Variants in ATF7IP2 observed in about 807,000 individuals in gnomAD.
ATF7IP2 encodes activating transcription factor 7-interacting protein 2.
Under a neutral mutation model 64.2 loss-of-function variants are expected in ATF7IP2, and 42 were observed. That is an observed-to-expected ratio of 0.65 (90% confidence interval 0.51 to 0.85). The LOEUF (loss-of-function observed/expected upper bound fraction) is 0.85. Among genes scored for constraint, ATF7IP2 ranks in the 40% least tolerant of loss-of-function variants. The pLI, the probability that ATF7IP2 is intolerant of heterozygous loss-of-function variation, is 0.00. For synonymous variants in ATF7IP2, 308 were observed against 272.8 expected, an observed-to-expected ratio of 1.13 and a Z score of -1.27; for missense variants, 933 against 784.2, an observed-to-expected ratio of 1.19 and a Z score of -2.27.
chr16:10,444,550 T>G (rs574705634), intron 8 of ATF7IP2, among the ~76,000 whole-genome samples: 2 of 152,336 alleles, frequency 1.3e-5, no homozygotes, highest in African/African-American at 4.8e-5. Flanking sequence ...GTATGTAATG[T>G]CTTTTTGAGG....
chr16:10,397,116 G>C lies in ATF7IP2; in HGVS notation c.-242+10994G>C, dbSNP rs574762679. 2.4e-4 allele frequency among the ~76,000 whole-genome samples: 36 copies of C among 152,248 alleles called. 1 individual carries two copies. In the South Asian group the frequency reaches 4.6e-3, roughly 19 times the overall value. ...TCCAAATTGTATGTTTTGCCATTTG[G>C]TTGAAAATCAATTTAATATAAATCT... On this transcript the variant is annotated intron_variant, in intron 1 of 13. Transcript: ENST00000562102.
intron 1 of ATF7IP2, chr16:10,387,558 A>G (rs918957436): frequency 1.3e-5 from 2 of 152,158 alleles, no homozygotes; most frequent in Non-Finnish European, 2.9e-5. Flanking sequence ...CTTCAATTCC[A>G]TTGTGTTTCC....
chr16:10,428,223 T>A (rs1319965500), intron 3 of ATF7IP2, among the ~76,000 whole-genome samples: 1 of 152,240 alleles, frequency 6.6e-6, no homozygotes, highest in East Asian at 1.9e-4. Flanking sequence ...TCTACTTATT[T>A]GTTGCAGGTG....
chr16:10,422,475 T>C (rs979241139), intron 3 of ATF7IP2, among the ~76,000 whole-genome samples: 6 of 152,144 alleles, frequency 3.9e-5, no homozygotes, highest in Non-Finnish European at 8.8e-5. Flanking sequence ...CATAAATTTA[T>C]AGGTATAGAA....
intron 9 of ATF7IP2, among the ~76,000 whole-genome samples, chr16:10,458,181 G>T (rs879799647): frequency 8.5e-5 from 13 of 152,168 alleles, no homozygotes; most frequent in Non-Finnish European, 1.8e-4. Context: ...TTGTTTTGGG[G>T]GATTTCACAT....
At chr16:10,465,394 A>T (rs866475954) in intron 9 of ATF7IP2, among the ~76,000 whole-genome samples, 2 of 151,964 alleles carry the variant, frequency 1.3e-5, no homozygotes, top group Non-Finnish European at 2.9e-5. Context: ...TGTTAGTCAC[A>T]CTCAGGCTTC....
At chr16:10,420,936 A>G (rs1193910393) in intron 3 of ATF7IP2, among the ~76,000 whole-genome samples, 1 of 152,226 alleles carries the variant, frequency 6.6e-6, no homozygotes, top group Non-Finnish European at 1.5e-5. Flanking sequence ...CAGCACCTTC[A>G]GTTGGTTAAA....
chr16:10,457,189 G>A (rs2049198660), intron 8 of ATF7IP2, 183 bp from the exon 9 acceptor site: 1 of 528,212 alleles, frequency 1.9e-6, no homozygotes. Flanking sequence ...TATTTCTTCG[G>A]AGTTTTTAAA....
chr16:10,407,220 G>A lies in ATF7IP2; in HGVS notation c.-241-7354G>A, dbSNP rs940634402. Among the ~76,000 whole-genome samples, 3 of 152,260 alleles carry A rather than the reference G, an allele frequency of 2.0e-5. No individual in the cohort carries two copies. The East Asian group carries it at 5.8e-4, about 29-fold the overall frequency. On this transcript the variant is annotated intron_variant, in intron 1 of 13. Coordinates refer to ENST00000562102, the MANE Select transcript of ATF7IP2 (RefSeq NM_001393719.1). ...TCAAGAAACTGGGTATAGAAGGAATGTATCTCAACGTAATAAAAGCCGTAT... is the reference window on the plus strand; with the variant it reads ...TCAAGAAACTGGGTATAGAAGGAATATATCTCAACGTAATAAAAGCCGTAT...
chr16:10,405,208 A>G (rs1427828741), intron 1 of ATF7IP2, among the ~76,000 whole-genome samples: 1 of 151,854 alleles, frequency 6.6e-6, no homozygotes, highest in Non-Finnish European at 1.5e-5. Context: ...ACTAAAAAAA[A>G]AAAATACAAA....
intron 3 of ATF7IP2, among the ~76,000 whole-genome samples, chr16:10,422,254 T>C (rs1353135864): frequency 6.6e-6 from 1 of 152,232 alleles, no homozygotes; most frequent in Non-Finnish European, 1.5e-5. Flanking sequence ...TTCTGGAGGC[T>C]TAACAATGGC....
In ATF7IP2 at chr16:10,431,066, C is replaced by T; in HGVS notation, c.446C>T (p.Thr149Ile). Residue 149 changes from threonine to isoleucine, a missense_variant, in exon 5 of 14, where the codon ACA becomes ATA. By Grantham distance (89) the Thr-to-Ile change is moderately conservative. Coordinates refer to ENST00000562102, the MANE Select transcript of ATF7IP2 (RefSeq NM_001393719.1). ...NTSENDSEHQ[T>I]NVTRSLFEHE... The stretch of plus-strand genomic sequence containing the variant: ...TCTGAAAACGATTCTGAGCATCAGA[C>T]AAATGTAACAAGATCCCTTTTTGAG... 2 of 1,614,158 alleles carry T rather than the reference C, an allele frequency of 1.2e-6. No individual in the cohort carries two copies. The highest frequency in any genetic ancestry group is 8.5e-7 in the Non-Finnish European group (1 of 1,180,042).
At chr16:10,479,231 G>C (rs1430567647) in intron 12 of ATF7IP2, among the ~76,000 whole-genome samples, 1 of 149,992 alleles carries the variant, frequency 6.7e-6, no homozygotes, top group African/African-American at 2.5e-5. Context: ...ATTCACAATA[G>C]CAAAGACTTG....
Position 10,463,021 on chromosome 16 carries a change from T to C in ATF7IP2, c.1352+5492T>C, listed in dbSNP as rs2049425772. On this transcript the variant is annotated intron_variant, in intron 9 of 13. Transcript: ENST00000562102. ...GGTTATTTTTTACAAATTCATGTTC[T>C]TTGGTGAAATTCTTTACCTTGCCAT... Among the ~76,000 whole-genome samples, 3 of 152,252 alleles carry C rather than the reference T, an allele frequency of 2.0e-5. No individual in the cohort carries two copies. The South Asian group carries it at 6.2e-4, about 31-fold the overall frequency.
At position 10,434,434 on chromosome 16, in the gene ATF7IP2, G is replaced by T. The variant is rs191480738; in HGVS notation, c.960+785G>T. On this transcript the variant is annotated intron_variant, in intron 6 of 13. Transcript: ENST00000562102. ...GAAATTTCCCCGTCTAAACTACCCT[G>T]CAAACTGTTTCAGAAACAGAAACAC... is the stretch of plus-strand genomic sequence containing the variant. 2.2e-4 allele frequency among the ~76,000 whole-genome samples: 33 copies of T among 152,146 alleles called. No homozygotes were observed. In the East Asian group the frequency reaches 6.2e-3, roughly 29 times the overall value.
chr16:10,429,235 C>T (rs981743775), intron 4 of ATF7IP2, among the ~76,000 whole-genome samples: 4 of 152,106 alleles, frequency 2.6e-5, no homozygotes, highest in African/African-American at 9.7e-5. Flanking sequence ...CATGAAGAGA[C>T]AATCATATAA....
intron 2 of ATF7IP2, among the ~76,000 whole-genome samples, chr16:10,416,685 T>C (rs751165839): frequency 6.6e-6 from 1 of 152,086 alleles, no homozygotes; most frequent in Non-Finnish European, 1.5e-5. Context: ...TAATCCCTGC[T>C]ACTCAGGAGG....
chr16:10,441,130 T>G (rs895668737), intron 8 of ATF7IP2, among the ~76,000 whole-genome samples: 24 of 152,234 alleles, frequency 1.6e-4, no homozygotes, highest in African/African-American at 5.5e-4. Context: ...AGTGCCACAT[T>G]GTCTTTATCC....
intron 12 of ATF7IP2, among the ~76,000 whole-genome samples, chr16:10,480,129 A>G (rs2050168226): frequency 6.6e-6 from 1 of 151,598 alleles, no homozygotes; most frequent in Non-Finnish European, 1.5e-5. Flanking sequence ...CTGGGACTAC[A>G]GGCACGCGCC....
Sources: gnomAD v4.1 joint callset for allele counts (sites outside exome capture counted in the v4.1 genomes callset) on GRCh38, gnomAD v4.1.1 for gene constraint, MANE v1.5 for transcripts, NCBI Gene and HGNC (gene_info 2026-07-23, HGNC 2026-07-21) for gene names.